The following PLEKHA6 variants were observed in gnomAD, a reference collection of about 807,000 sequenced individuals.
PLEKHA6 encodes the protein pleckstrin homology domain-containing family A member 6.
Under a neutral mutation model 116.7 loss-of-function variants are expected in PLEKHA6, and 60 were observed. That is an observed-to-expected ratio of 0.51 (90% CI 0.42 to 0.64). PLEKHA6 has a LOEUF of 0.64. PLEKHA6 is among the 30% of genes least tolerant of loss of function. The pLI, the probability that PLEKHA6 is intolerant of heterozygous loss-of-function variation, is 0.00. For synonymous variants in PLEKHA6, 489 were observed against 556.1 expected, an observed-to-expected ratio of 0.88 and a Z score of 1.70; for missense variants, 1,338 against 1,422.7, an observed-to-expected ratio of 0.94 and a Z score of 0.96.
chr1:204,313,830 A>G (rs1356540953), intron 1 of PLEKHA6: 1 of 330,298 alleles, frequency 3.0e-6, no homozygotes, highest in Non-Finnish European at 4.3e-6. Flanking sequence ...CCCACAGAGC[A>G]TCTCCCCGGG....
At chr1:204,265,597 C>T (rs980285323) in intron 5 of PLEKHA6, among the ~76,000 whole-genome samples, 2 of 152,218 alleles carry the variant, frequency 1.3e-5, no homozygotes, top group Non-Finnish European at 2.9e-5. Flanking sequence ...TCCTGCCTCG[C>T]TAAATGAGAC....
intron 1 of PLEKHA6, among the ~76,000 whole-genome samples, chr1:204,344,217 G>T (rs373239326): frequency 2.0e-5 from 3 of 152,156 alleles, no homozygotes; most frequent in Non-Finnish European, 4.4e-5. Flanking sequence ...CTGACACCTC[G>T]CTCTTCCCTG....
rs933488831 is a variant in PLEKHA6, at chr1:204,270,382, A to C, written c.103-2070T>G. Among the ~76,000 whole-genome samples, 10 of 152,222 alleles carry C rather than the reference A, an allele frequency of 6.6e-5. No homozygotes were observed. In the South Asian group the frequency reaches 2.1e-3, roughly 32 times the overall value. On this transcript the variant is annotated intron_variant, in intron 3 of 22. Transcript: ENST00000272203. The stretch of plus-strand genomic sequence containing the variant: ...AAGCTATAGCCAAGACCTGTCTTCC[A>C]GCTCAACCCATTTTATGCCTGCTTG...
At chr1:204,248,254 G>T (rs980497607) in intron 12 of PLEKHA6, among the ~76,000 whole-genome samples, 2 of 146,434 alleles carry the variant, frequency 1.4e-5, no homozygotes, top group African/African-American at 5.1e-5. Context: ...CGCCTCATGG[G>T]TTCAAGCAAT....
intron 1 of PLEKHA6, among the ~76,000 whole-genome samples, chr1:204,356,003 A>C (rs1026285734): frequency 6.7e-5 from 10 of 149,124 alleles, no homozygotes; most frequent in African/African-American, 2.6e-4. Context: ...ACACACACAA[A>C]AAAAATCCAT....
chr1:204,295,489 CA>C (rs11422057), intron 1 of PLEKHA6, among the ~76,000 whole-genome samples: 32 of 122,184 alleles, frequency 2.6e-4, no homozygotes, highest in Admixed American at 4.1e-4. Flanking sequence ...GATGCCATCT[CA>C]AAAAAAAAAA....
chr1:204,297,240 A>G, intron 1 of PLEKHA6: 1 of 970,584 alleles, frequency 1.0e-6, no homozygotes, highest in Non-Finnish European at 1.2e-6. Context: ...ACCTTCTGGT[A>G]GGAAAATACA....
intron 1 of PLEKHA6, among the ~76,000 whole-genome samples, chr1:204,327,365 G>A (rs1359304442): frequency 6.6e-6 from 1 of 152,146 alleles, no homozygotes; most frequent in Non-Finnish European, 1.5e-5. Flanking sequence ...CCCACAGAGG[G>A]TGTCTTGTGT....
chr1:204,226,661 AG>A (rs1486495806), intron 21 of PLEKHA6, among the ~76,000 whole-genome samples: 1 of 152,172 alleles, frequency 6.6e-6, no homozygotes, highest in Non-Finnish European at 1.5e-5. Flanking sequence ...TCCAGCCTAA[AG>A]ACAGCCTCTC....
chr1:204,309,760 A>G (rs927181863), intron 1 of PLEKHA6: 3 of 856,388 alleles, frequency 3.5e-6, no homozygotes, highest in East Asian at 1.2e-4. Flanking sequence ...GAAATAATTT[A>G]TGTTAACTAC....
chr1:204,356,569 ATAATAATAATAATAT>A (rs940536639), intron 1 of PLEKHA6, among the ~76,000 whole-genome samples: 16 of 147,722 alleles, frequency 1.1e-4, no homozygotes, highest in East Asian at 9.7e-4. Context: ...CCTGTCTCAA[ATAATAATAATAATAT>A]TAATAATAAT....
Position 204,257,279 on chromosome 1 carries a change from C to T in PLEKHA6, c.1524+74G>A, listed in dbSNP as rs1002984017. 15 of 1,412,600 alleles carry T rather than the reference C, an allele frequency of 1.1e-5. No individual in the cohort carries two copies. The highest frequency in any genetic ancestry group is 4.6e-4 in the Middle Eastern group (2 of 4,320). 87.5% of individuals were successfully genotyped at this position (1,412,600 alleles called of 1,614,324 possible). On this transcript the variant is annotated intron_variant, in intron 9 of 22. Transcript: ENST00000272203. The surrounding 1 kb of genome is among the most constrained non-coding windows in gnomAD (Gnocchi z 6.5). ...GGCACAGATGCTCCCACATCTCTGCCTTTTCTCAGTAGATGGTCTTAGGCT... is the reference window on the plus strand; with the variant it reads ...GGCACAGATGCTCCCACATCTCTGCTTTTTCTCAGTAGATGGTCTTAGGCT...
rs1468172713 is a variant in PLEKHA6, at chr1:204,277,793, T to G, written c.-94-2984A>C. The G allele has an allele frequency of 6.6e-6, 1 of 152,236 alleles. No homozygotes were observed. The highest frequency in any genetic ancestry group is 2.4e-5 in the African/African-American group (1 of 41,428). 9.4% of individuals were successfully genotyped at this position (152,236 alleles called of 1,614,324 possible). On this transcript the variant is annotated intron_variant, in intron 1 of 22. Transcript: ENST00000272203. The surrounding 1 kb of genome is among the most constrained non-coding windows in gnomAD (Gnocchi z 4.1). Reference sequence around the variant, plus strand: ...GTCCTCTGCCCCTGTCCCTCCGACTTGCTCCCCTCAGACAGCACGGGGTTG... The same window carrying G: ...GTCCTCTGCCCCTGTCCCTCCGACTGGCTCCCCTCAGACAGCACGGGGTTG...
chr1:204,225,956 C>G (rs956802756), intron 21 of PLEKHA6, among the ~76,000 whole-genome samples: 10 of 152,200 alleles, frequency 6.6e-5, no homozygotes, highest in Admixed American at 4.6e-4. Flanking sequence ...CTGCACGCAC[C>G]GGGTGGATTT....
chr1:204,269,447 T>TAC (rs1667216017), intron 3 of PLEKHA6, among the ~76,000 whole-genome samples: 1 of 140,500 alleles, frequency 7.1e-6, no homozygotes, highest in East Asian at 2.1e-4. Context: ...TGCTGGAGAA[T>TAC]AAAAAAAAAA....
chr1:204,320,276 A>G (rs1400936692), intron 1 of PLEKHA6, among the ~76,000 whole-genome samples: 1 of 152,136 alleles, frequency 6.6e-6, no homozygotes, highest in African/African-American at 2.4e-5. Flanking sequence ...GTGGCATGCA[A>G]TGTACACTGG....
At chr1:204,346,593 A>G (rs11576844) in intron 1 of PLEKHA6, among the ~76,000 whole-genome samples, 10,253 of 152,234 alleles carry the variant, frequency 0.067, 489 homozygotes, top group Middle Eastern at 0.11. Context: ...GCTCGGCAGG[A>G]AACATGGAAA....
chr1:204,358,622 T>G (rs1214248367), intron 1 of PLEKHA6, among the ~76,000 whole-genome samples: 13 of 152,100 alleles, frequency 8.5e-5, no homozygotes, highest in Admixed American at 8.5e-4. Flanking sequence ...AGTGATCAGA[T>G]TGAGGGTAAA....
At chr1:204,286,099 A>G (rs981676898) in intron 1 of PLEKHA6, among the ~76,000 whole-genome samples, 5 of 129,936 alleles carry the variant, frequency 3.8e-5, no homozygotes, top group African/African-American at 1.0e-4. Context: ...CCTGGATCCT[A>G]TGGAAATCAC....
Sources: allele counts gnomAD v4.1 joint callset (sites outside exome capture counted in the v4.1 genomes callset), GRCh38; gene constraint gnomAD v4.1.1; non-coding constraint Gnocchi (gnomAD v3.1); transcripts MANE v1.5; gene names NCBI Gene and HGNC (gene_info 2026-07-23, HGNC 2026-07-21).